The following MME variants were observed in gnomAD, a reference collection of about 807,000 sequenced individuals.
MME encodes the protein neprilysin.
Under a neutral mutation model 113.2 loss-of-function variants are expected in MME, and 98 were observed. The ratio of observed to expected loss-of-function variants is 0.87; its 90% CI spans 0.74 to 1.02. The LOEUF is 1.02. MME is among the 50% of genes least tolerant of loss of function. MME has a pLI of 0.00. For synonymous variants in MME, 292 were observed against 300.6 expected, an observed-to-expected ratio of 0.97 and a Z score of 0.30; for missense variants, 836 against 896.0, an observed-to-expected ratio of 0.93 and a Z score of 0.86.
chr3:155,132,520 C>T (rs1392117089), intron 8 of MME, among the ~76,000 whole-genome samples: 1 of 152,004 alleles, frequency 6.6e-6, no homozygotes, highest in Non-Finnish European at 1.5e-5. Flanking sequence ...GTTACGAGTA[C>T]TAGGACTTAC....
intron 1 of MME, among the ~76,000 whole-genome samples, chr3:155,030,912 G>A (rs1402863869): frequency 6.6e-6 from 1 of 152,144 alleles, no homozygotes; most frequent in Non-Finnish European, 1.5e-5. Context: ...ATAATAAATG[G>A]TTACTCCAAA....
intron 1 of MME, among the ~76,000 whole-genome samples, chr3:155,072,395 C>T (rs1195116624): frequency 6.6e-6 from 1 of 152,188 alleles, no homozygotes; most frequent in East Asian, 1.9e-4. Context: ...TTTTTCTTAC[C>T]CACTAAACTG....
At chr3:155,091,039 A>G (rs1056391472) in intron 3 of MME, among the ~76,000 whole-genome samples, 3 of 152,254 alleles carry the variant, frequency 2.0e-5, no homozygotes, top group African/African-American at 7.2e-5. Context: ...CTGGCCCTGT[A>G]GCAGCCTTTT....
chr3:155,138,587 T>G lies in MME; in HGVS notation c.855+351T>G, dbSNP rs3773886. 2.6e-5 allele frequency among the ~76,000 whole-genome samples: 4 copies of G among 152,152 alleles called. No homozygotes were observed. In the East Asian group the frequency reaches 7.7e-4, roughly 29 times the overall value. ...GCAAAGCTGTTTTAGTTTTGATATG[T>G]ATAGAATATTACTTTATTTTAAAGT... On this transcript the variant is annotated intron_variant, in intron 9 of 22. Transcript: ENST00000360490.
At chr3:155,075,230 C>A (rs1265569883), upstream of MME, among the ~76,000 whole-genome samples, 1 of 151,374 alleles carries the variant, frequency 6.6e-6, no homozygotes, top group Non-Finnish European at 1.5e-5. Flanking sequence ...TTTATTACAA[C>A]TTTACTATAC....
intron 1 of MME, among the ~76,000 whole-genome samples, chr3:155,059,258 C>CAAAAAAAA (rs11459710): frequency 8.9e-5 from 5 of 56,046 alleles, no homozygotes; most frequent in South Asian, 7.5e-4. Flanking sequence ...AATTCTGTCT[C>CAAAAAAAA]AAAAAAAAAA....
At chr3:155,174,747 T>G (rs910347961) in intron 22 of MME, among the ~76,000 whole-genome samples, 2 of 152,232 alleles carry the variant, frequency 1.3e-5, no homozygotes, top group South Asian at 2.1e-4. Flanking sequence ...TTATTCTTCC[T>G]GACTAAAGCT....
chr3:155,173,189 G>T (rs1212052250), intron 22 of MME, among the ~76,000 whole-genome samples: 11 of 151,858 alleles, frequency 7.2e-5, no homozygotes, highest in African/African-American at 2.7e-4. Flanking sequence ...ATTGAAGAGA[G>T]TCACTCCAAC....
chr3:155,114,835 A>T (rs1221637324), intron 3 of MME, among the ~76,000 whole-genome samples, 159 bp from the exon 4 acceptor site: 1 of 152,250 alleles, frequency 6.6e-6, no homozygotes, highest in African/African-American at 2.4e-5. Flanking sequence ...CTATACACAG[A>T]TAGTATTCCT....
At chr3:155,106,731 T>G (rs914625065) in intron 3 of MME, among the ~76,000 whole-genome samples, 2 of 152,158 alleles carry the variant, frequency 1.3e-5, no homozygotes, top group African/African-American at 4.8e-5. Flanking sequence ...TCAAAAGAGA[T>G]TTTTAAATTG....
chr3:155,030,854 GGA>G, intron 1 of MME, among the ~76,000 whole-genome samples: 1 of 152,182 alleles, frequency 6.6e-6, no homozygotes, highest in South Asian at 2.1e-4. Flanking sequence ...CCCCACAGAT[GGA>G]GAGACCGGAT....
intron 8 of MME, among the ~76,000 whole-genome samples, chr3:155,125,994 G>A (rs752516909): frequency 5.3e-5 from 8 of 152,028 alleles, no homozygotes; most frequent in Admixed American, 2.0e-4. Context: ...CATTTATTTT[G>A]CCAAATTATG....
intron 3 of MME, among the ~76,000 whole-genome samples, chr3:155,112,116 G>A (rs962915313): frequency 1.3e-4 from 20 of 152,158 alleles, no homozygotes; most frequent in African/African-American, 4.6e-4. Context: ...GGCAAGTCTT[G>A]ACTGAGCACA....
intron 3 of MME, among the ~76,000 whole-genome samples, chr3:155,094,646 A>C (rs763360682): frequency 6.6e-6 from 1 of 152,224 alleles, no homozygotes; most frequent in African/African-American, 2.4e-5. Flanking sequence ...ACAACATTTG[A>C]TTTGATTGCT....
intron 3 of MME, among the ~76,000 whole-genome samples, chr3:155,088,612 G>A (rs1041958597): frequency 1.3e-5 from 2 of 151,638 alleles, no homozygotes; most frequent in Non-Finnish European, 2.9e-5. Flanking sequence ...GAACCCAGGA[G>A]GTGGAGGTTG....
At chr3:155,036,168 A>G (rs554290299) in intron 1 of MME, among the ~76,000 whole-genome samples, 1 of 152,164 alleles carries the variant, frequency 6.6e-6, no homozygotes, top group Non-Finnish European at 1.5e-5. Context: ...TAGATATGTC[A>G]TATGTTGTGA....
At chr3:155,155,604 G>A (rs971040662) in intron 16 of MME, among the ~76,000 whole-genome samples, 13 of 152,242 alleles carry the variant, frequency 8.5e-5, no homozygotes, top group African/African-American at 3.1e-4. Context: ...GAATATTCTT[G>A]CCTTCATGGA....
At chr3:155,036,848 C>G (rs759758330) in intron 1 of MME, among the ~76,000 whole-genome samples, 1 of 152,020 alleles carries the variant, frequency 6.6e-6, no homozygotes, top group Admixed American at 6.6e-5. Flanking sequence ...TCTCCTATGC[C>G]TTTTTCTAGA....
chr3:155,061,167 C>T (rs747287806), intron 1 of MME, among the ~76,000 whole-genome samples: 32 of 152,198 alleles, frequency 2.1e-4, no homozygotes, highest in Non-Finnish European at 4.4e-4. Flanking sequence ...TTAAAAGTAT[C>T]GCCGGGCGGG....
Sources: allele counts gnomAD v4.1 joint callset (sites outside exome capture counted in the v4.1 genomes callset), GRCh38; gene constraint gnomAD v4.1.1; transcripts MANE v1.5; gene names NCBI Gene and HGNC (gene_info 2026-07-23, HGNC 2026-07-21).